The following PABPC4L variants were observed in gnomAD, a reference collection of about 807,000 sequenced individuals.
PABPC4L encodes the protein poly(A) binding protein cytoplasmic 4 like.
For missense variants in PABPC4L, 452 were observed against 451.4 expected (o/e 1.00, Z -0.01); for synonymous variants, 169 against 164.1 (o/e 1.03, Z -0.23).
At chr4:134,004,665 G>A in the PABPC4L span, among the ~76,000 whole-genome samples, 2 of 151,754 alleles carry the variant, frequency 1.3e-5, no homozygotes, top group African/African-American at 2.4e-5. Context: ...GCACTCTCAC[G>A]TTCATTTCAG....
the PABPC4L span, among the ~76,000 whole-genome samples, chr4:134,088,229 T>A: frequency 1.7e-4 from 26 of 152,032 alleles, no homozygotes; most frequent in African/African-American, 6.0e-4. Context: ...GATTCATAGT[T>A]TTAAAATCAT....
the PABPC4L span, among the ~76,000 whole-genome samples, chr4:134,128,482 A>G: frequency 6.6e-6 from 1 of 152,190 alleles, no homozygotes; most frequent in Admixed American, 6.5e-5. Context: ...AGACTAGAAG[A>G]GACTGGGGTC....
chr4:133,968,027 C>A, the PABPC4L span, among the ~76,000 whole-genome samples: 2 of 152,076 alleles, frequency 1.3e-5, no homozygotes, highest in African/African-American at 4.8e-5. Flanking sequence ...CTGATAAGAC[C>A]TAGATTGGAT....
chr4:134,060,834 G>A, the PABPC4L span, among the ~76,000 whole-genome samples: 1 of 152,004 alleles, frequency 6.6e-6, no homozygotes, highest in African/African-American at 2.4e-5. Flanking sequence ...AAGACAAACT[G>A]CATGTTTTCA....
At chr4:134,039,474 C>G in the PABPC4L span, among the ~76,000 whole-genome samples, 2 of 152,042 alleles carry the variant, frequency 1.3e-5, no homozygotes, top group South Asian at 4.1e-4. Context: ...TTGTAGGTCT[C>G]TAAGAACTTG....
At chr4:133,973,646 C>T in the PABPC4L span, among the ~76,000 whole-genome samples, 28 of 152,240 alleles carry the variant, frequency 1.8e-4, no homozygotes, top group South Asian at 2.1e-4. Flanking sequence ...CAAAACTCCA[C>T]ATCACAGGGA....
the PABPC4L span, among the ~76,000 whole-genome samples, chr4:133,995,474 C>T: frequency 6.6e-6 from 1 of 152,178 alleles, no homozygotes; most frequent in South Asian, 2.1e-4. Context: ...TTAGTGTTTT[C>T]ATAAGCCAAT....
At chr4:133,993,289 C>T in the PABPC4L span, among the ~76,000 whole-genome samples, 2 of 152,038 alleles carry the variant, frequency 1.3e-5, no homozygotes, top group South Asian at 2.1e-4. Context: ...CTACTGTGGC[C>T]TGTCCTTGGG....
chr4:134,000,632 GA>G, the PABPC4L span, among the ~76,000 whole-genome samples: 4 of 152,180 alleles, frequency 2.6e-5, no homozygotes, highest in East Asian at 7.7e-4. Flanking sequence ...GGTATTTTCA[GA>G]AAAGATTAGC....
At chr4:134,013,248 T>G in the PABPC4L span, among the ~76,000 whole-genome samples, 1 of 151,910 alleles carries the variant, frequency 6.6e-6, no homozygotes, top group African/African-American at 2.4e-5. Context: ...ACCTCTTATC[T>G]CTGCACCCCA....
At chr4:134,180,365 A>G in the PABPC4L span, among the ~76,000 whole-genome samples, 1 of 152,074 alleles carries the variant, frequency 6.6e-6, no homozygotes, top group Non-Finnish European at 1.5e-5. Flanking sequence ...ACAACACACC[A>G]GAATCTCTAG....
the PABPC4L span, among the ~76,000 whole-genome samples, chr4:134,188,500 A>T: frequency 6.6e-6 from 1 of 152,032 alleles, no homozygotes; most frequent in African/African-American, 2.4e-5. Context: ...CTGGCAACAA[A>T]TTCTCTCAAT....
the PABPC4L span, among the ~76,000 whole-genome samples, chr4:134,112,592 A>G: frequency 2.0e-5 from 3 of 151,462 alleles, no homozygotes; most frequent in South Asian, 6.2e-4. Flanking sequence ...CTATCTATCT[A>G]TCTATCTATC....
chr4:134,174,985 A>G, the PABPC4L span, among the ~76,000 whole-genome samples: 1 of 152,084 alleles, frequency 6.6e-6, no homozygotes. Flanking sequence ...ATGCAATCCT[A>G]TTTATTATTT....
At chr4:133,960,564 C>G in the PABPC4L span, among the ~76,000 whole-genome samples, 2 of 152,282 alleles carry the variant, frequency 1.3e-5, no homozygotes, top group African/African-American at 4.8e-5. Flanking sequence ...CGAGAAGCCT[C>G]CTGGTCAGAA....
chr4:133,991,921 G>A, the PABPC4L span, among the ~76,000 whole-genome samples: 1 of 152,296 alleles, frequency 6.6e-6, no homozygotes, highest in Non-Finnish European at 1.5e-5. Context: ...TTCCCATAAG[G>A]AAAACATATG....
the PABPC4L span, among the ~76,000 whole-genome samples, chr4:134,021,841 A>G: frequency 6.6e-6 from 1 of 151,986 alleles, no homozygotes; most frequent in South Asian, 2.1e-4. Context: ...TGGCTTCATT[A>G]ATGCTCTTCT....
At chr4:134,122,087 C>G in the PABPC4L span, among the ~76,000 whole-genome samples, 1 of 151,904 alleles carries the variant, frequency 6.6e-6, no homozygotes, top group Non-Finnish European at 1.5e-5. Context: ...CACAACTACA[C>G]TACCATATCC....
At chr4:134,061,577 C>A in the PABPC4L span, among the ~76,000 whole-genome samples, 3 of 150,512 alleles carry the variant, frequency 2.0e-5, no homozygotes, top group East Asian at 4.0e-4. Context: ...GGAATGACAC[C>A]AGTCTTTAAT....
Sources: gnomAD v4.1 joint callset for allele counts (sites outside exome capture counted in the v4.1 genomes callset) on GRCh38, gnomAD v4.1.1 for gene constraint, MANE v1.5 for transcripts, NCBI Gene and HGNC (gene_info 2026-07-23, HGNC 2026-07-21) for gene names.